The following RALGAPA1 variants were observed in gnomAD, a reference collection of about 807,000 sequenced individuals.
RALGAPA1 encodes the protein Ral GTPase activating protein catalytic subunit alpha 1, also known as ral GTPase-activating protein subunit alpha-1.
RALGAPA1 carries 52 observed loss-of-function variants against 269.6 expected under a neutral mutation model. That is an observed-to-expected ratio of 0.19 (90% CI 0.15 to 0.24). The LOEUF (loss-of-function observed/expected upper bound fraction) is 0.24, where lower values mean the gene tolerates loss of function less well. RALGAPA1 is among the 10% of genes least tolerant of loss of function. RALGAPA1 has a pLI of 1.00. For missense variants in RALGAPA1, 1,917 were observed against 3,013.9 expected (o/e 0.64, Z 8.52); for synonymous variants, 817 against 1,008.3 (o/e 0.81, Z 3.60).
rs74414848 is a variant in RALGAPA1 at position 35,663,587 on chromosome 14, A to T, written c.5328+1055T>A. ...TCTCAGGACTGTTAAACCCTTGGGA[A>T]TTTTTTTTTTTTTTTTTTTTGAGAC... On this transcript the variant is annotated intron_variant, in intron 27 of 41. Coordinates refer to ENST00000680220, the MANE Select transcript of RALGAPA1 (RefSeq NM_001346249.2). 5.3e-3 allele frequency among the ~76,000 whole-genome samples: 704 copies of T among 132,308 alleles called. 15 individuals carry two copies. In the East Asian group the frequency reaches 0.06, roughly 11 times the overall value. 86.8% of individuals were successfully genotyped at this position (132,308 alleles called of 152,430 possible). A position where few individuals can be genotyped will look rare whatever the true frequency, so the allele number is the denominator to read the frequency against.
chr14:35,712,912 T>G (rs1046627411), intron 16 of RALGAPA1, among the ~76,000 whole-genome samples: 4 of 152,184 alleles, frequency 2.6e-5, no homozygotes, highest in African/African-American at 9.7e-5. Flanking sequence ...TCTCACTTCT[T>G]TAATAAATGA....
intron 39 of RALGAPA1, among the ~76,000 whole-genome samples, chr14:35,554,271 C>T (rs1278851716): frequency 6.6e-6 from 1 of 151,584 alleles, no homozygotes; most frequent in Admixed American, 6.6e-5. Flanking sequence ...TGCTGCAAAA[C>T]GCCCACCTGC....
chr14:35,728,496 G>C lies in RALGAPA1; in HGVS notation c.1602C>G (p.Asn534Lys). 6.3e-7 allele frequency: 1 copy of C among 1,596,458 alleles called. No homozygotes were observed. Among genetic ancestry groups the C allele is most frequent in the Non-Finnish European group, 8.5e-7 (1 of 1,174,620 alleles). ...GTTCAAGAAGAAATATATTTGATGA[G>C]TTTATAATAAACACCTAAGACAAAA... is the stretch of plus-strand genomic sequence containing the variant. ...TQAVLQVFII[N>K]SSNIFLLEPA... The change falls in exon 13 of 42, where the codon AAC (asparagine) becomes AAG (lysine). Residue 534 changes from asparagine to lysine, a missense_variant. This residue lies in a region of RALGAPA1 where 462 missense variants were observed against 725.6 expected (regional missense o/e 0.64). Transcript: ENST00000680220.
rs2064430620 is a variant in RALGAPA1, at chr14:35,671,502, T to C, written c.5089A>G (p.Ile1697Val). 1.3e-6 allele frequency: 2 copies of C among 1,563,498 alleles called. No individual in the cohort carries two copies. The highest frequency in any genetic ancestry group is 1.8e-6 in the Non-Finnish European group (2 of 1,134,530). Residue 1697 changes from isoleucine to valine, a missense_variant, in exon 26 of 42, where the codon ATC (isoleucine) becomes GTC (valine). This residue lies in a region of RALGAPA1 where 346 missense variants were observed against 566.1 expected (regional missense o/e 0.61). Transcript: ENST00000680220. ...AATTGAGGTGAGCAGTGTTTGATGA[T>C]TGTATTGACAATATCCTTAGAATAA... Reference protein sequence around the residue: ...LHIDQDIVNTIIKHCSPQFFS... With the variant: ...LHIDQDIVNTVIKHCSPQFFS...
intron 37 of RALGAPA1, among the ~76,000 whole-genome samples, chr14:35,591,161 T>C (rs1031111633): frequency 6.6e-6 from 1 of 152,202 alleles, no homozygotes; most frequent in Non-Finnish European, 1.5e-5. Context: ...TTGTGGACCA[T>C]CAATATCATT....
In RALGAPA1 at chr14:35,605,622, T is replaced by G. The variant is rs148216106; in HGVS notation, c.7017A>C (p.Gln2339His). The G allele has an allele frequency of 3.7e-5, 60 of 1,609,258 alleles. No homozygotes were observed. The highest frequency in any genetic ancestry group is 1.7e-4 in the Middle Eastern group (1 of 6,036). ...HSILTNTGGS[Q>H]AYEDFVAGLG... ...GACCAGCTACAAAATCTTCATATGC[T>G]TGACTTCCTCCTGTATTGGTGAGAA... is the stretch of plus-strand genomic sequence containing the variant. The change falls in exon 36 of 42, where the codon CAA becomes CAC. Residue 2339 changes from glutamine to histidine, a missense_variant. Transcript: ENST00000680220.
chr14:35,671,545 A>G, intron 25 of RALGAPA1, 28 bp from the exon 26 acceptor site: 4 of 1,271,664 alleles, frequency 3.1e-6, no homozygotes, highest in Non-Finnish European at 4.6e-6. Flanking sequence ...AGGAAAAAAG[A>G]ATATCACATA....
At chr14:35,679,362 A>G (rs1187537637) in intron 21 of RALGAPA1, among the ~76,000 whole-genome samples, 3 of 152,242 alleles carry the variant, frequency 2.0e-5, no homozygotes, top group African/African-American at 7.2e-5. Flanking sequence ...TGATGGGGTT[A>G]CACCCCAAGA....
chr14:35,767,774 A>T (rs934698812), intron 4 of RALGAPA1, among the ~76,000 whole-genome samples: 1 of 151,864 alleles, frequency 6.6e-6, no homozygotes, highest in African/African-American at 2.4e-5. Context: ...TTTTAATTAA[A>T]ATTTTTTTTT....
At chr14:35,673,314 G>A (rs1418437660) in intron 24 of RALGAPA1, among the ~76,000 whole-genome samples, 2 of 152,204 alleles carry the variant, frequency 1.3e-5, no homozygotes, top group Non-Finnish European at 2.9e-5. Context: ...CCAGCACTTT[G>A]GAAGACCAAG....
chr14:35,755,963 C>T (rs1481754516), intron 7 of RALGAPA1, among the ~76,000 whole-genome samples: 1 of 152,148 alleles, frequency 6.6e-6, no homozygotes, highest in Non-Finnish European at 1.5e-5. Context: ...GAATAGGTTA[C>T]CTTGCAAAAT....
chr14:35,548,104 T>C (rs2054613969), intron 41 of RALGAPA1, among the ~76,000 whole-genome samples: 1 of 152,132 alleles, frequency 6.6e-6, no homozygotes, highest in Non-Finnish European at 1.5e-5. Flanking sequence ...AGGTGCCTAG[T>C]GAAGTGCAAG....
chr14:35,761,105 C>T, intron 5 of RALGAPA1, 99 bp from the exon 6 acceptor site: 1 of 824,462 alleles, frequency 1.2e-6, no homozygotes, highest in Non-Finnish European at 1.8e-6. Flanking sequence ...CAGAATGATA[C>T]TTTCGAGAGG....
chr14:35,718,203 C>T (rs762685031), intron 16 of RALGAPA1, among the ~76,000 whole-genome samples: 1 of 152,156 alleles, frequency 6.6e-6, no homozygotes, highest in African/African-American at 2.4e-5. Flanking sequence ...ATTTCTTCCC[C>T]AACACTAGAA....
intron 7 of RALGAPA1, among the ~76,000 whole-genome samples, chr14:35,756,107 C>A (rs921448530): frequency 6.6e-6 from 1 of 152,124 alleles, no homozygotes; most frequent in Non-Finnish European, 1.5e-5. Flanking sequence ...CAATTTTCAG[C>A]TTTTCATTTG....
At chr14:35,591,205 G>T (rs1234826828) in intron 37 of RALGAPA1, among the ~76,000 whole-genome samples, 2 of 152,110 alleles carry the variant, frequency 1.3e-5, no homozygotes, top group African/African-American at 2.4e-5. Flanking sequence ...AAGGTAGCAA[G>T]ATTTATTTCA....
intron 35 of RALGAPA1, among the ~76,000 whole-genome samples, chr14:35,621,492 CA>C (rs1387015394): frequency 6.6e-6 from 1 of 152,054 alleles, no homozygotes; most frequent in Non-Finnish European, 1.5e-5. Flanking sequence ...TCAATGGCAA[CA>C]AAAGCCAAAA....
intron 37 of RALGAPA1, among the ~76,000 whole-genome samples, chr14:35,590,776 T>A (rs1764113967): frequency 6.6e-6 from 1 of 152,232 alleles, no homozygotes; most frequent in African/African-American, 2.4e-5. Context: ...CTAAACTTCC[T>A]TTTAAAAACA....
chr14:35,584,421 T>C (rs1306840915), intron 37 of RALGAPA1, among the ~76,000 whole-genome samples: 1 of 152,090 alleles, frequency 6.6e-6, no homozygotes, highest in Non-Finnish European at 1.5e-5. Context: ...TACACCATCA[T>C]GCCTGGCTAA....
Sources: gnomAD v4.1 joint callset for allele counts (sites outside exome capture counted in the v4.1 genomes callset) on GRCh38, gnomAD v4.1.1 for gene constraint, gnomAD v4.1.1 regional missense constraint, MANE v1.5 for transcripts, NCBI Gene and HGNC (gene_info 2026-07-23, HGNC 2026-07-21) for gene names.